Variants in CYTH1 observed in about 807,000 individuals in gnomAD.
CYTH1 encodes cytohesin-1.
A neutral mutation model predicts 61.8 loss-of-function variants in CYTH1; 18 were observed. The ratio of observed to expected loss-of-function variants is 0.29; its 90% CI spans 0.20 to 0.43. The LOEUF (loss-of-function observed/expected upper bound fraction) is 0.43. Among genes scored for constraint, CYTH1 ranks in the 20% least tolerant of loss-of-function variants. The probability of loss-of-function intolerance (pLI) is 1.00; values close to 1 mark genes in which losing one functional copy is unlikely to be tolerated. For synonymous variants in CYTH1, 174 were observed against 184.3 expected, an observed-to-expected ratio of 0.94 and a Z score of 0.45; for missense variants, 336 against 510.5, an observed-to-expected ratio of 0.66 and a Z score of 3.29.
intron 10 of CYTH1, among the ~76,000 whole-genome samples, chr17:78,695,392 CTTCACTCGGTATCATTTTGAGT>C (rs1450142775): frequency 1.3e-5 from 2 of 152,102 alleles, no homozygotes; most frequent in Non-Finnish European, 2.9e-5. Context: ...TTTTTTTCAC[CTTCACTCGGTATCATTTTGAGT>C]TTAGGAAATA....
intron 11 of CYTH1, among the ~76,000 whole-genome samples, chr17:78,682,739 C>T (rs951291358): frequency 3.9e-5 from 6 of 152,238 alleles, no homozygotes; most frequent in African/African-American, 1.4e-4. Flanking sequence ...TTCAATATCA[C>T]CCTACACAAA....
At position 78,702,189 on chromosome 17, in the gene CYTH1, T is replaced by C. The variant is rs775200767; in HGVS notation, c.289A>G (p.Ile97Val). 2.5e-6 allele frequency: 4 copies of C among 1,614,212 alleles called. No homozygotes were observed. Among genetic ancestry groups the C allele is most frequent in the Non-Finnish European group, 3.4e-6 (4 of 1,180,036 alleles). ...NDLLKNTCED[I>V]AQFLYKGEGL... ...TCGCCTTTATATAAGAACTGGGCAA[T>C]GTCTTCACAAGTGTTCTTCAGGAGG... Residue 97 changes from isoleucine to valine, a missense_variant, in exon 5 of 14, where the codon ATT (isoleucine) becomes GTT (valine). Ile to Val is a conservative substitution (Grantham distance 29). Around this residue, in one of 4 missense-constraint regions of CYTH1, gnomAD observed 112 missense variants for 127.1 expected, o/e 0.88. Coordinates refer to ENST00000446868, the MANE Select transcript of CYTH1 (RefSeq NM_004762.6).
chr17:78,741,021 G>C (rs144379335), intron 1 of CYTH1, among the ~76,000 whole-genome samples: 12 of 152,280 alleles, frequency 7.9e-5, no homozygotes, highest in Admixed American at 7.8e-4. Context: ...ACATACAGGA[G>C]CTAGCACAGG....
intron 11 of CYTH1, among the ~76,000 whole-genome samples, chr17:78,682,838 GCATT>G (rs999746753): frequency 2.0e-5 from 3 of 152,214 alleles, no homozygotes; most frequent in African/African-American, 7.2e-5. Context: ...GCCTTGGCGT[GCATT>G]CATTTTCAGT....
chr17:78,725,160 T>C (rs996569325), intron 1 of CYTH1, among the ~76,000 whole-genome samples: 1 of 152,174 alleles, frequency 6.6e-6, no homozygotes, highest in Non-Finnish European at 1.5e-5. Context: ...TCTTTGCTTC[T>C]TTCTTCTTGT....
At chr17:78,773,641 A>T (rs913590939) in intron 1 of CYTH1, among the ~76,000 whole-genome samples, 6 of 152,078 alleles carry the variant, frequency 3.9e-5, no homozygotes, top group Non-Finnish European at 7.4e-5. Flanking sequence ...AAAAAAAAAA[A>T]AAATTAAATT....
At chr17:78,781,323 G>A (rs1326043840) in intron 1 of CYTH1, among the ~76,000 whole-genome samples, 4 of 152,186 alleles carry the variant, frequency 2.6e-5, no homozygotes, top group African/African-American at 9.7e-5. Flanking sequence ...AATTCCTCAT[G>A]AACAAACTTA....
chr17:78,694,687 G>A (rs2092921348), intron 10 of CYTH1, among the ~76,000 whole-genome samples: 1 of 152,004 alleles, frequency 6.6e-6, no homozygotes, highest in Admixed American at 6.6e-5. Context: ...CACTACCCGG[G>A]GAACCCTTCG....
chr17:78,680,768 C>G (rs1441132472), intron 12 of CYTH1, among the ~76,000 whole-genome samples: 5 of 152,202 alleles, frequency 3.3e-5, no homozygotes, highest in African/African-American at 1.2e-4. Flanking sequence ...GTGACATTCA[C>G]TAAGTGAAAC....
intron 1 of CYTH1, among the ~76,000 whole-genome samples, chr17:78,716,140 T>C (rs926299314): frequency 1.3e-5 from 2 of 152,168 alleles, no homozygotes; most frequent in East Asian, 1.9e-4. Context: ...TCATCCATCA[T>C]AGGCAGAAGG....
intron 4 of CYTH1, 139 bp downstream of exon 4, chr17:78,702,399 G>A: frequency 9.6e-7 from 1 of 1,043,156 alleles, no homozygotes. Context: ...TTAGGAACAA[G>A]GGCTTAGTGC....
intron 11 of CYTH1, among the ~76,000 whole-genome samples, chr17:78,681,300 T>C (rs62075562): frequency 0.16 from 24,172 of 152,162 alleles, 2,135 homozygotes; most frequent in Non-Finnish European, 0.21. Context: ...TGGCCGGCAG[T>C]GACCCGGGCA....
chr17:78,684,054 A>AGAT (rs2092790940), intron 11 of CYTH1, among the ~76,000 whole-genome samples: 1 of 152,198 alleles, frequency 6.6e-6, no homozygotes, highest in African/African-American at 2.4e-5. Flanking sequence ...TTTTAAACCA[A>AGAT]GATGATTTAC....
intron 1 of CYTH1, among the ~76,000 whole-genome samples, chr17:78,712,251 A>G (rs1211325200): frequency 6.6e-6 from 1 of 152,060 alleles, no homozygotes; most frequent in African/African-American, 2.4e-5. Flanking sequence ...AAAGAAATGC[A>G]TTTTACATCA....
At chr17:78,765,788 G>T (rs1385593051) in intron 1 of CYTH1, among the ~76,000 whole-genome samples, 1 of 152,194 alleles carries the variant, frequency 6.6e-6, no homozygotes, top group Non-Finnish European at 1.5e-5. Flanking sequence ...CAGCTGAGCT[G>T]AGAGCAGGCA....
At chr17:78,751,907 T>G (rs2093381820) in intron 1 of CYTH1, among the ~76,000 whole-genome samples, 1 of 152,202 alleles carries the variant, frequency 6.6e-6, no homozygotes, top group African/African-American at 2.4e-5. Context: ...CTAATTGTTT[T>G]GTATTTTTAG....
At chr17:78,695,644 A>C (rs1472263157) in intron 10 of CYTH1, among the ~76,000 whole-genome samples, 79 of 152,202 alleles carry the variant, frequency 5.2e-4, no homozygotes, top group Admixed American at 5.1e-3. Context: ...ATTAACTTTC[A>C]ATCAGGCTGA....
intron 1 of CYTH1, among the ~76,000 whole-genome samples, chr17:78,775,740 T>C (rs1460245093): frequency 6.6e-6 from 1 of 152,194 alleles, no homozygotes; most frequent in East Asian, 1.9e-4. Flanking sequence ...ATTTTAAAAT[T>C]CTCTGTTGAC....
chr17:78,760,188 T>C (rs1373633188), intron 1 of CYTH1, among the ~76,000 whole-genome samples: 3 of 151,564 alleles, frequency 2.0e-5, no homozygotes, highest in Non-Finnish European at 4.4e-5. Flanking sequence ...CATGTTCATC[T>C]GCCTAGGACA....
Sources: gnomAD v4.1 joint callset for allele counts (sites outside exome capture counted in the v4.1 genomes callset) on GRCh38, gnomAD v4.1.1 for gene constraint, gnomAD v4.1.1 regional missense constraint, MANE v1.5 for transcripts, NCBI Gene and HGNC (gene_info 2026-07-23, HGNC 2026-07-21) for gene names.